Variants in HSD17B12 observed in about 807,000 individuals in gnomAD.
The protein encoded by HSD17B12 is very-long-chain 3-oxoacyl-CoA reductase.
A neutral mutation model predicts 39.3 loss-of-function variants in HSD17B12; 32 were observed. That is an observed-to-expected ratio of 0.81 (90% confidence interval 0.61 to 1.09). The LOEUF (loss-of-function observed/expected upper bound fraction) is 1.09. Ranked by LOEUF, HSD17B12 falls within the 50% of genes least tolerant of loss-of-function variation. The pLI is 0.00. For synonymous variants in HSD17B12, 150 were observed against 146.7 expected (o/e 1.02, Z -0.16); for missense variants, 342 against 382.9 (o/e 0.89, Z 0.89).
chr11:43,619,394 C>CTTT, the HSD17B12 span, among the ~76,000 whole-genome samples: 2 of 134,188 alleles, frequency 1.5e-5, no homozygotes, highest in South Asian at 2.3e-4. Context: ...TTTTTCTTTT[C>CTTT]TTTTTTTTTT....
At chr11:43,582,621 G>T in the HSD17B12 span, among the ~76,000 whole-genome samples, 1 of 152,152 alleles carries the variant, frequency 6.6e-6, no homozygotes, top group Admixed American at 6.5e-5. Context: ...TTCGGGGAGG[G>T]CCTGAATTTC....
chr11:43,707,257 A>T (rs1468490822), intron 1 of HSD17B12, among the ~76,000 whole-genome samples: 1 of 152,246 alleles, frequency 6.6e-6, no homozygotes, highest in Non-Finnish European at 1.5e-5. Flanking sequence ...GACAATAAGC[A>T]GACATTTGGT....
At chr11:43,837,978 A>G (rs1951387312) in intron 7 of HSD17B12, 1 of 248,538 alleles carries the variant, frequency 4.0e-6, no homozygotes, top group Admixed American at 5.0e-5. Context: ...TGCAGGGAAT[A>G]TAAAAGATCT....
chr11:43,584,409 G>C, the HSD17B12 span, among the ~76,000 whole-genome samples: 1 of 152,176 alleles, frequency 6.6e-6, no homozygotes, highest in Non-Finnish European at 1.5e-5. Context: ...TCCATGCCTT[G>C]GTAGCTCTTG....
chr11:43,613,417 CAACAAA>C, the HSD17B12 span, among the ~76,000 whole-genome samples: 21 of 150,032 alleles, frequency 1.4e-4, no homozygotes, highest in African/African-American at 5.1e-4. Flanking sequence ...AAAACAACAA[CAACAAA>C]AAAAAACAAA....
At chr11:43,728,476 T>TA (rs540685992) in intron 1 of HSD17B12, among the ~76,000 whole-genome samples, 1,805 of 148,754 alleles carry the variant, frequency 0.012, 20 homozygotes, top group East Asian at 0.046. Flanking sequence ...TCCAGCTAAG[T>TA]AAAAAAAAAA....
intron 4 of HSD17B12, among the ~76,000 whole-genome samples, chr11:43,814,276 T>G: frequency 6.6e-6 from 1 of 152,130 alleles, no homozygotes; most frequent in Non-Finnish European, 1.5e-5. Context: ...CCGGCATACT[T>G]TGCTCTATCA....
the HSD17B12 span, among the ~76,000 whole-genome samples, chr11:43,566,866 C>A: frequency 3.9e-5 from 6 of 152,108 alleles, no homozygotes; most frequent in Non-Finnish European, 7.3e-5. Context: ...AGATCTGTGC[C>A]CCGATAGGTT....
chr11:43,771,400 C>A (rs1590285662), intron 3 of HSD17B12, among the ~76,000 whole-genome samples: 1 of 150,120 alleles, frequency 6.7e-6, no homozygotes, highest in South Asian at 2.1e-4. Context: ...TCTTTTGGAG[C>A]ACATATATAC....
chr11:43,833,804 C>A (rs1054062768), intron 7 of HSD17B12: 1 of 152,176 alleles, frequency 6.6e-6, no homozygotes, highest in African/African-American at 2.4e-5. Context: ...CCCTCTAGAA[C>A]TATAGCCTAG....
At chr11:43,616,970 T>A in the HSD17B12 span, among the ~76,000 whole-genome samples, 1 of 139,578 alleles carries the variant, frequency 7.2e-6, no homozygotes, top group African/African-American at 2.7e-5. Context: ...AGACTCTATC[T>A]CAAATTAAAA....
At chr11:43,588,060 C>A in the HSD17B12 span, among the ~76,000 whole-genome samples, 1 of 152,202 alleles carries the variant, frequency 6.6e-6, no homozygotes, top group East Asian at 1.9e-4. Context: ...GCAAAGGTTT[C>A]ACCCCAGTTC....
the HSD17B12 span, among the ~76,000 whole-genome samples, chr11:43,603,634 A>G: frequency 2.0e-5 from 3 of 152,196 alleles, no homozygotes; most frequent in Non-Finnish European, 4.4e-5. Context: ...AATAATTATT[A>G]ATTTATATTT....
At chr11:43,694,944 G>T (rs1034575096) in intron 1 of HSD17B12, among the ~76,000 whole-genome samples, 6 of 152,122 alleles carry the variant, frequency 3.9e-5, no homozygotes, top group Non-Finnish European at 7.4e-5. Flanking sequence ...GGTGGCTGAG[G>T]TGGGCAGATC....
chr11:43,782,088 A>G (rs1590295358), intron 3 of HSD17B12, among the ~76,000 whole-genome samples: 1 of 152,226 alleles, frequency 6.6e-6, no homozygotes, highest in Non-Finnish European at 1.5e-5. Context: ...AGTTGCTTAT[A>G]TATCATTAGC....
intron 3 of HSD17B12, among the ~76,000 whole-genome samples, chr11:43,755,902 A>G (rs1950503915): frequency 6.6e-6 from 1 of 152,224 alleles, no homozygotes; most frequent in Admixed American, 6.5e-5. Flanking sequence ...TTTAATAGAT[A>G]CACATGGCTG....
chr11:43,822,639 A>G (rs1458829605), intron 6 of HSD17B12, among the ~76,000 whole-genome samples: 1 of 152,112 alleles, frequency 6.6e-6, no homozygotes, highest in African/African-American at 2.4e-5. Flanking sequence ...ACCTTCATCC[A>G]TGTCCCTACA....
chr11:43,565,628 C>G, the HSD17B12 span, among the ~76,000 whole-genome samples: 1 of 152,192 alleles, frequency 6.6e-6, no homozygotes, highest in East Asian at 1.9e-4. Flanking sequence ...AGGTACAGGA[C>G]CTAAAGAATT....
chr11:43,679,604 A>G (rs1246626498), upstream of HSD17B12, among the ~76,000 whole-genome samples: 2 of 152,040 alleles, frequency 1.3e-5, no homozygotes, highest in Non-Finnish European at 1.5e-5. Flanking sequence ...CCACTCCCCA[A>G]CCAAAAAAGG....
Sources: gnomAD v4.1 joint callset for allele counts (sites outside exome capture counted in the v4.1 genomes callset) on GRCh38, gnomAD v4.1.1 for gene constraint, MANE v1.5 for transcripts, NCBI Gene and HGNC (gene_info 2026-07-23, HGNC 2026-07-21) for gene names.